RIT2: variants seen among roughly 807,000 people sequenced by gnomAD.
The protein encoded by RIT2 is GTP-binding protein Rit2.
A neutral mutation model predicts 23.7 loss-of-function variants in RIT2; 24 were observed. The observed-to-expected ratio is 1.01, with a 90% CI of 0.73 to 1.43. RIT2 has a LOEUF of 1.43. RIT2 is among the 40% of genes most tolerant of loss of function. The pLI, the probability that RIT2 is intolerant of heterozygous loss-of-function variation, is 0.00. For missense variants in RIT2, 236 were observed against 266.9 expected (o/e 0.88, Z 0.81); for synonymous variants, 107 against 91.1 (o/e 1.17, Z -0.99).
At chr18:42,847,520 A>T (rs1292262025) in intron 4 of RIT2, among the ~76,000 whole-genome samples, 21 of 152,138 alleles carry the variant, frequency 1.4e-4, no homozygotes, top group Admixed American at 1.4e-3. Flanking sequence ...CCCTAAAAAA[A>T]TTGTAGGTAG....
At chr18:42,936,330 G>C (rs771401640) in intron 3 of RIT2, among the ~76,000 whole-genome samples, 14 of 152,150 alleles carry the variant, frequency 9.2e-5, no homozygotes, top group Admixed American at 2.6e-4. Flanking sequence ...GACACACATA[G>C]ACTTCCATTT....
chr18:42,862,425 T>C (rs1424239824), intron 4 of RIT2, among the ~76,000 whole-genome samples: 3 of 152,178 alleles, frequency 2.0e-5, no homozygotes, highest in African/African-American at 7.2e-5. Flanking sequence ...CTTTATAGCA[T>C]GTGAAAATAA....
At chr18:42,885,799 G>T (rs1442459031) in intron 4 of RIT2, among the ~76,000 whole-genome samples, 1 of 151,960 alleles carries the variant, frequency 6.6e-6, no homozygotes, top group Non-Finnish European at 1.5e-5. Flanking sequence ...ACACATATTT[G>T]CATATACAAT....
intron 4 of RIT2, among the ~76,000 whole-genome samples, chr18:42,855,223 G>A (rs1598684636): frequency 1.3e-5 from 2 of 152,200 alleles, no homozygotes; most frequent in Non-Finnish European, 1.5e-5. Flanking sequence ...ACAAGGCCTG[G>A]TGGGATCTTG....
intron 4 of RIT2, 195 bp downstream of exon 4, chr18:42,923,377 C>T (rs1909100019): frequency 6.7e-6 from 4 of 595,142 alleles, no homozygotes; most frequent in Non-Finnish European, 1.2e-5. Flanking sequence ...GGGCACTCTG[C>T]AAAATAGCAT....
chr18:43,098,141 G>T (rs1481535311), intron 1 of RIT2, among the ~76,000 whole-genome samples: 1 of 151,938 alleles, frequency 6.6e-6, no homozygotes, highest in Non-Finnish European at 1.5e-5. Context: ...CTATAACCTG[G>T]TTCCTTAAAT....
intron 4 of RIT2, among the ~76,000 whole-genome samples, chr18:42,762,799 A>ATT (rs1407177634): frequency 6.6e-6 from 1 of 152,144 alleles, no homozygotes; most frequent in Non-Finnish European, 1.5e-5. Flanking sequence ...ATTTTTGTTG[A>ATT]TCTCAAATCA....
intron 4 of RIT2, among the ~76,000 whole-genome samples, chr18:42,885,339 A>G (rs1281386836): frequency 6.6e-6 from 1 of 152,210 alleles, no homozygotes; most frequent in Admixed American, 6.5e-5. Context: ...TAATCCCAGC[A>G]CTTTGGGAGG....
chr18:42,743,807 G>A (rs1912853771), intron 4 of RIT2, 87 bp from the exon 5 acceptor site: 3 of 1,042,958 alleles, frequency 2.9e-6, no homozygotes, highest in Non-Finnish European at 2.8e-6. Flanking sequence ...CTGTGTGTCA[G>A]GCCTCTGAGC....
At chr18:42,866,189 C>T (rs1183112243) in intron 4 of RIT2, among the ~76,000 whole-genome samples, 1 of 152,124 alleles carries the variant, frequency 6.6e-6, no homozygotes, top group Non-Finnish European at 1.5e-5. Context: ...TCCATCTTCC[C>T]TTACTTAAGC....
At position 42,771,804 on chromosome 18, in the gene RIT2, C is replaced by G. The variant is rs531320701; in HGVS notation, c.427-28084G>C. Among the ~76,000 whole-genome samples, 351 of 152,130 alleles carry G rather than the reference C, an allele frequency of 2.3e-3. 1 individual carries two copies. Among genetic ancestry groups the G allele is most frequent in the African/African-American group, 7.6e-3 (315 of 41,510 alleles). On this transcript the variant is annotated intron_variant, in intron 4 of 4. Transcript: ENST00000326695. ...GTTATTCAGGGTATATTTCTTTCCT[C>G]AAATATGAGCAATATAGTAGTTCAA...
In RIT2 at chr18:42,791,483, T is replaced by C. The variant is rs2082310052; in HGVS notation, c.427-47763A>G. Among the ~76,000 whole-genome samples the C allele has an allele frequency of 3.3e-5, 5 of 152,326 alleles. No homozygotes were observed. In the South Asian group the frequency reaches 1.0e-3, roughly 32 times the overall value. On this transcript the variant is annotated intron_variant, in intron 4 of 4. Transcript: ENST00000326695. ...TAAAACTTTTGCAAGTACCCAAATATTTACTTCATTGCAGTAGCTTGTTGA... is the reference window on the plus strand; with the variant it reads ...TAAAACTTTTGCAAGTACCCAAATACTTACTTCATTGCAGTAGCTTGTTGA...
intron 4 of RIT2, among the ~76,000 whole-genome samples, chr18:42,890,678 A>G (rs673137): frequency 0.031 from 4,703 of 152,216 alleles, 246 homozygotes; most frequent in African/African-American, 0.11. Context: ...TTAAACGTTT[A>G]CTAAATAATG....
chr18:42,880,675 T>C (rs1175726107), intron 4 of RIT2, among the ~76,000 whole-genome samples: 3 of 152,114 alleles, frequency 2.0e-5, no homozygotes, highest in South Asian at 2.1e-4. Flanking sequence ...CATCCTACTT[T>C]AAATACTTCA....
intron 1 of RIT2, among the ~76,000 whole-genome samples, chr18:43,077,581 G>A (rs548732532): frequency 1.1e-3 from 173 of 152,282 alleles, no homozygotes; most frequent in African/African-American, 3.9e-3. Flanking sequence ...GGAGACTCCA[G>A]TTCTTGTCCA....
chr18:42,925,321 C>G (rs1909153330), intron 3 of RIT2, among the ~76,000 whole-genome samples: 1 of 151,904 alleles, frequency 6.6e-6, no homozygotes, highest in Non-Finnish European at 1.5e-5. Flanking sequence ...AATCAAAACC[C>G]CATAATTGAC....
intron 4 of RIT2, among the ~76,000 whole-genome samples, chr18:42,811,931 C>T (rs904628893): frequency 1.3e-5 from 2 of 152,044 alleles, no homozygotes; most frequent in Non-Finnish European, 2.9e-5. Flanking sequence ...ATATGAGCTA[C>T]TTATGTATGA....
chr18:43,036,429 A>G (rs1391333147), intron 1 of RIT2, among the ~76,000 whole-genome samples: 1 of 151,954 alleles, frequency 6.6e-6, no homozygotes. Context: ...TATCCCAGCT[A>G]CTCAGGAGGC....
chr18:43,015,264 G>C (rs1008973370), intron 2 of RIT2, among the ~76,000 whole-genome samples: 23 of 151,614 alleles, frequency 1.5e-4, no homozygotes, highest in African/African-American at 5.6e-4. Flanking sequence ...GCATAGCTAA[G>C]AGAAGTGAGT....
Sources: allele counts gnomAD v4.1 joint callset (sites outside exome capture counted in the v4.1 genomes callset), GRCh38; gene constraint gnomAD v4.1.1; transcripts MANE v1.5; gene names NCBI Gene and HGNC (gene_info 2026-07-23, HGNC 2026-07-21).